The following NLGN4X variants were observed in gnomAD, a reference collection of about 807,000 sequenced individuals.
NLGN4X encodes the protein neuroligin-4, X-linked.
In NLGN4X, 3 loss-of-function variants were observed where a neutral mutation model predicts 40.3. The observed-to-expected ratio is 0.07, with a 90% CI of 0.03 to 0.19. The LOEUF (loss-of-function observed/expected upper bound fraction) is 0.19. Among genes scored for constraint, NLGN4X ranks in the 10% least tolerant of loss-of-function variants. The pLI is 1.00. For missense variants in NLGN4X, 382 were observed against 708.3 expected, an observed-to-expected ratio of 0.54 and a Z score of 5.23; for synonymous variants, 270 against 306.8, an observed-to-expected ratio of 0.88 and a Z score of 1.25.
At chrX:6,128,915 G>C (rs2039620190) in intron 2 of NLGN4X, among the ~76,000 whole-genome samples, 1 of 111,616 alleles carries the variant, frequency 9.0e-6, no homozygotes, top group Non-Finnish European at 1.9e-5. Context: ...ACATCCTATG[G>C]ATAAAATTCC....
intron 2 of NLGN4X, among the ~76,000 whole-genome samples, chrX:6,090,863 T>C (rs1283000208): frequency 3.6e-5 from 4 of 112,067 alleles, no homozygotes; most frequent in African/African-American, 1.3e-4. Flanking sequence ...CTAAACCTCC[T>C]ACAATGCATA....
intron 2 of NLGN4X, among the ~76,000 whole-genome samples, chrX:6,060,193 G>A (rs777338208): frequency 8.9e-6 from 1 of 112,094 alleles, no homozygotes; most frequent in Non-Finnish European, 1.9e-5. Flanking sequence ...TTTGAGGCCT[G>A]AGATCATAGA....
In NLGN4X at chrX:6,185,613, T is replaced by A. The variant is rs770826793; in HGVS notation, c.-305-33842A>T. Among the ~76,000 whole-genome samples, 219 of 111,941 alleles carry A rather than the reference T, an allele frequency of 2.0e-3. 2 individuals are homozygous for A. The highest frequency in any genetic ancestry group is 6.8e-3 in the African/African-American group (209 of 30,788). ...AAAATAGAATCCAGGAACCCCCTGGTTTTAACTGTACAAAATGCACTTCAT... is the reference window on the plus strand; with the variant it reads ...AAAATAGAATCCAGGAACCCCCTGGATTTAACTGTACAAAATGCACTTCAT... On this transcript the variant is annotated intron_variant, in intron 1 of 5. Transcript: ENST00000381095.
chrX:6,198,269 C>G (rs1234558661), intron 1 of NLGN4X, among the ~76,000 whole-genome samples: 1 of 111,149 alleles, frequency 9.0e-6, no homozygotes, highest in Non-Finnish European at 1.9e-5. Context: ...TTTGGGGGTT[C>G]AGAGAGATGC....
In NLGN4X at chrX:6,091,948, CTTTT is replaced by C. The variant is rs780181042; in HGVS notation, c.472+59043_472+59046del. On this transcript the variant is annotated intron_variant, in intron 2 of 5. Coordinates refer to ENST00000381095, the MANE Select transcript of NLGN4X (RefSeq NM_181332.3). Reference sequence around the variant, plus strand: ...CTTCCCTCTCTCCCTTCCTCCCTTTCTTTTTTTACTCCTTCCTTCTCTCTCTTCC... The same window carrying C: ...CTTCCCTCTCTCCCTTCCTCCCTTTCTTTACTCCTTCCTTCTCTCTCTTCC... Among the ~76,000 whole-genome samples, 129 of 109,043 alleles carry C rather than the reference CTTTT, an allele frequency of 1.2e-3. 2 individuals carry two copies. Among genetic ancestry groups the C allele is most frequent in the African/African-American group, 4.2e-3 (126 of 29,909 alleles). The allele number at this position is 109,043 out of a possible 115,157, so 94.7% of individuals were successfully genotyped here.
chrX:6,023,099 C>T (rs1044020829), intron 3 of NLGN4X, among the ~76,000 whole-genome samples: 3 of 111,231 alleles, frequency 2.7e-5, no homozygotes, highest in Non-Finnish European at 3.8e-5. Flanking sequence ...AGAAATGCAC[C>T]GAAATGATCA....
intron 2 of NLGN4X, among the ~76,000 whole-genome samples, chrX:6,113,351 T>C (rs908365770): frequency 9.0e-6 from 1 of 111,335 alleles, no homozygotes; most frequent in African/African-American, 3.3e-5. Flanking sequence ...TTAGCACAAA[T>C]CTAAAATTAA....
chrX:6,071,894 C>A (rs2038072726), intron 2 of NLGN4X, among the ~76,000 whole-genome samples: 1 of 111,028 alleles, frequency 9.0e-6, no homozygotes, highest in Non-Finnish European at 1.9e-5. Context: ...ATCCTTCCAC[C>A]GTAAATTCAG....
intron 2 of NLGN4X, among the ~76,000 whole-genome samples, chrX:6,083,248 G>A (rs911793311): frequency 3.6e-5 from 4 of 110,159 alleles, no homozygotes; most frequent in Admixed American, 9.7e-5. Flanking sequence ...GTGAGCCACC[G>A]CGCCCGGCCC....
At chrX:5,995,697 T>C (rs1264126283) in intron 3 of NLGN4X, among the ~76,000 whole-genome samples, 1 of 112,143 alleles carries the variant, frequency 8.9e-6, no homozygotes, top group Admixed American at 9.4e-5. Flanking sequence ...ACTTCAAAGA[T>C]GCCATGTTTG....
At chrX:5,905,739 G>A (rs1416287766) in intron 4 of NLGN4X, among the ~76,000 whole-genome samples, 1 of 112,143 alleles carries the variant, frequency 8.9e-6, no homozygotes, top group African/African-American at 3.2e-5. Context: ...GAGTGCAGTG[G>A]CGGGATCTTG....
At chrX:6,038,059 C>T (rs1309049833) in intron 2 of NLGN4X, among the ~76,000 whole-genome samples, 2 of 111,939 alleles carry the variant, frequency 1.8e-5, no homozygotes, top group East Asian at 5.6e-4. Flanking sequence ...CACACCCACA[C>T]TGAAGAAGGA....
intron 3 of NLGN4X, among the ~76,000 whole-genome samples, chrX:6,020,943 C>CTGAG (rs1255182351): frequency 1.8e-5 from 2 of 108,307 alleles, no homozygotes. Context: ...TTTCAAGTAG[C>CTGAG]TGAGACACCA....
At chrX:5,943,274 C>T (rs1008147997) in intron 3 of NLGN4X, among the ~76,000 whole-genome samples, 1 of 111,624 alleles carries the variant, frequency 9.0e-6, no homozygotes, top group African/African-American at 3.3e-5. Context: ...AAGCAGGAAC[C>T]TCAACCCCAT....
chrX:5,909,266 G>A, intron 3 of NLGN4X, 27 bp from the exon 4 acceptor site: 1 of 1,204,481 alleles, frequency 8.3e-7, no homozygotes, highest in African/African-American at 1.7e-5. Context: ...GATATTTTTG[G>A]TGGCCAAATA....
chrX:6,224,992 AT>A (rs1455027911), intron 1 of NLGN4X, among the ~76,000 whole-genome samples: 1 of 52,028 alleles, frequency 1.9e-5, no homozygotes, highest in African/African-American at 8.2e-5. Flanking sequence ...ATATATATAT[AT>A]ATATATATAT....
At position 5,890,348 on chromosome X, in the gene NLGN4X, A is replaced by G. The variant is rs2031095031; in HGVS notation, c.*2469T>C. 5.0e-6 allele frequency: 1 copy of G among 200,949 alleles called. No individual in the cohort carries two copies. 16.6% of individuals were successfully genotyped at this position (200,949 alleles called of 1,213,427 possible). On this transcript the variant is annotated 3_prime_UTR_variant, in exon 6 of 6. Transcript: ENST00000381095. ...TATAACTTCTTTCCATGTAGAAATA[A>G]GATATCATTTAAGATGTACTAAAAT...
At chrX:6,133,265 T>C (rs1013309490) in intron 2 of NLGN4X, among the ~76,000 whole-genome samples, 3 of 111,044 alleles carry the variant, frequency 2.7e-5, no homozygotes, top group African/African-American at 6.5e-5. Context: ...TATAATTGTG[T>C]ATATTTATTC....
In NLGN4X at chrX:6,186,167, A is replaced by G. The variant is rs529124587; in HGVS notation, c.-305-34396T>C. 7.6e-4 allele frequency among the ~76,000 whole-genome samples: 86 copies of G among 112,616 alleles called. No homozygotes were observed. The South Asian group carries it at 0.031, about 40-fold the overall frequency. The stretch of plus-strand genomic sequence containing the variant: ...TGAATTGCCAAAGTATGCATTGCCA[A>G]TGTTTTCTGGTAAAGGATCACATGA... On this transcript the variant is annotated intron_variant, in intron 1 of 5. Coordinates refer to ENST00000381095, the MANE Select transcript of NLGN4X (RefSeq NM_181332.3).
Sources: allele counts gnomAD v4.1 joint callset (sites outside exome capture counted in the v4.1 genomes callset), GRCh38; gene constraint gnomAD v4.1.1; transcripts MANE v1.5; gene names NCBI Gene and HGNC (gene_info 2026-07-23, HGNC 2026-07-21).